Variants in IQCB1 observed in about 807,000 individuals in gnomAD.
IQCB1 encodes the protein IQ calmodulin-binding motif-containing protein 1.
In IQCB1, 56 loss-of-function variants were observed where a neutral mutation model predicts 84.4. The observed-to-expected ratio is 0.66, with a 90% CI of 0.54 to 0.83. The LOEUF is 0.83. Among genes scored for constraint, IQCB1 ranks in the 40% least tolerant of loss-of-function variants. The pLI is 0.00. For synonymous variants in IQCB1, 210 were observed against 234.8 expected (o/e 0.89, Z 0.96); for missense variants, 629 against 682.1 (o/e 0.92, Z 0.87).
chr3:121,800,435 C>T (rs1043268191), intron 7 of IQCB1, among the ~76,000 whole-genome samples: 1 of 151,954 alleles, frequency 6.6e-6, no homozygotes, highest in East Asian at 1.9e-4. Flanking sequence ...CAGCAACATA[C>T]CTTAAATGTA....
intron 5 of IQCB1, among the ~76,000 whole-genome samples, chr3:121,817,832 A>G (rs933368527): frequency 1.2e-4 from 19 of 152,048 alleles, no homozygotes; most frequent in East Asian, 7.7e-4. Context: ...TAGTGCCCTT[A>G]TAAGAAAGAA....
chr3:121,810,693 A>G (rs1370071507), intron 5 of IQCB1, among the ~76,000 whole-genome samples: 2 of 152,304 alleles, frequency 1.3e-5, no homozygotes, highest in Admixed American at 6.5e-5. Context: ...TAATGGTCTG[A>G]GCTATTAATG....
intron 5 of IQCB1, among the ~76,000 whole-genome samples, chr3:121,816,213 C>T (rs1032754860): frequency 2.6e-5 from 4 of 152,170 alleles, no homozygotes; most frequent in South Asian, 4.1e-4. Flanking sequence ...AACTGGCTAG[C>T]CATACGCAGA....
chr3:121,818,332 A>G (rs1950149632), intron 5 of IQCB1, among the ~76,000 whole-genome samples: 1 of 152,220 alleles, frequency 6.6e-6, no homozygotes, highest in Non-Finnish European at 1.5e-5. Flanking sequence ...TCTTCTCATT[A>G]CTTATTTTTG....
In IQCB1 at chr3:121,770,004, C is replaced by CA; in HGVS notation, c.*340dup. On this transcript the variant is annotated 3_prime_UTR_variant, in exon 15 of 15. Coordinates refer to ENST00000310864, the MANE Select transcript of IQCB1 (RefSeq NM_001023570.4). ...AATAATCCTGACAAATTTTTCAAAT[C>CA]AATTGTTGAAAATATTTATTTAGAA... The CA allele has an allele frequency of 5.3e-6, 1 of 190,434 alleles. No individual in the cohort carries two copies. Among genetic ancestry groups the CA allele is most frequent in the Non-Finnish European group, 1.1e-5 (1 of 90,788 alleles). The allele number at this position is 190,434 out of a possible 1,614,324, so 11.8% of individuals were successfully genotyped here.
intron 10 of IQCB1, among the ~76,000 whole-genome samples, chr3:121,792,710 C>T (rs886474650): frequency 1.3e-5 from 2 of 148,588 alleles, no homozygotes; most frequent in African/African-American, 2.5e-5. Context: ...TAAATAGGGA[C>T]TAAATTGTAA....
chr3:121,794,438 T>C (rs1949103073), intron 10 of IQCB1, among the ~76,000 whole-genome samples: 1 of 152,142 alleles, frequency 6.6e-6, no homozygotes, highest in Non-Finnish European at 1.5e-5. Context: ...TGGGGGATTG[T>C]CCAAGTTCAC....
At chr3:121,780,686 C>T (rs1483365674) in intron 13 of IQCB1, among the ~76,000 whole-genome samples, 1 of 152,170 alleles carries the variant, frequency 6.6e-6, no homozygotes, top group Non-Finnish European at 1.5e-5. Flanking sequence ...ATTTGTACTT[C>T]ATTTCCATTT....
intron 13 of IQCB1, among the ~76,000 whole-genome samples, chr3:121,777,809 A>G (rs1217499293): frequency 6.6e-6 from 1 of 151,902 alleles, no homozygotes; most frequent in East Asian, 1.9e-4. Context: ...ATGATTATTT[A>G]TTATGATTTT....
chr3:121,801,103 C>T (rs1038325825), intron 7 of IQCB1, among the ~76,000 whole-genome samples: 1 of 151,902 alleles, frequency 6.6e-6, no homozygotes. Context: ...CCCAGTATAA[C>T]CCTAAAAGGT....
intron 5 of IQCB1, among the ~76,000 whole-genome samples, chr3:121,825,512 T>A: frequency 6.6e-6 from 1 of 152,228 alleles, no homozygotes; most frequent in East Asian, 1.9e-4. Context: ...CAATAAAGTA[T>A]CTAGTAGATC....
intron 4 of IQCB1, among the ~76,000 whole-genome samples, chr3:121,827,510 C>A (rs1950501805): frequency 6.6e-6 from 1 of 151,998 alleles, no homozygotes; most frequent in Non-Finnish European, 1.5e-5. Context: ...TTGAATTCCA[C>A]CCGAGAGCCT....
At chr3:121,808,039 T>C (rs1379792766) in intron 6 of IQCB1, among the ~76,000 whole-genome samples, 1 of 152,010 alleles carries the variant, frequency 6.6e-6, no homozygotes, top group African/African-American at 2.4e-5. Context: ...AGCTCTCACA[T>C]GAGCTAATGT....
In IQCB1 at chr3:121,816,004, G is replaced by GC. The variant is rs201487578; in HGVS notation, c.394-6996dup. On this transcript the variant is annotated intron_variant, in intron 5 of 14. Transcript: ENST00000310864. ...AAAAGAACAAAGCTGGAGGCATCAT[G>GC]CTACCTGACTTCAAACTATACAAGG... 5.9e-3 allele frequency among the ~76,000 whole-genome samples: 876 copies of GC among 149,410 alleles called. 17 individuals carry two copies. Among genetic ancestry groups the GC allele is most frequent in the African/African-American group, 0.021 (843 of 40,804 alleles).
intron 7 of IQCB1, among the ~76,000 whole-genome samples, chr3:121,801,831 T>TA (rs1553715153): frequency 2.0e-5 from 3 of 148,356 alleles, no homozygotes; most frequent in Non-Finnish European, 4.5e-5. Flanking sequence ...TTTTTTTTTT[T>TA]AATTAAAATC....
intron 5 of IQCB1, among the ~76,000 whole-genome samples, chr3:121,816,669 T>C (rs1950072406): frequency 6.6e-6 from 1 of 152,132 alleles, no homozygotes; most frequent in Non-Finnish European, 1.5e-5. Context: ...AAAAAGCTCA[T>C]CATTACTGGT....
chr3:121,802,614 C>G (rs965780659), intron 7 of IQCB1, among the ~76,000 whole-genome samples: 2 of 152,054 alleles, frequency 1.3e-5, no homozygotes, highest in African/African-American at 4.8e-5. Flanking sequence ...TCCCAAAGAT[C>G]CAGTTTATGG....
intron 5 of IQCB1, among the ~76,000 whole-genome samples, chr3:121,818,585 G>A (rs1384232730): frequency 1.3e-5 from 2 of 152,146 alleles, no homozygotes; most frequent in Non-Finnish European, 2.9e-5. Flanking sequence ...TGAAGATAGA[G>A]CCCAAAGGAG....
chr3:121,825,900 G>A, intron 5 of IQCB1, 151 bp downstream of exon 5: 1 of 762,726 alleles, frequency 1.3e-6, no homozygotes, highest in Non-Finnish European at 2.1e-6. Context: ...TTCAAACATA[G>A]AGATGATTTT....
Sources: gnomAD v4.1 joint callset for allele counts (sites outside exome capture counted in the v4.1 genomes callset) on GRCh38, gnomAD v4.1.1 for gene constraint, MANE v1.5 for transcripts, NCBI Gene and HGNC (gene_info 2026-07-23, HGNC 2026-07-21) for gene names.